ANAPC4: variants seen among roughly 807,000 people sequenced by gnomAD.
The protein encoded by ANAPC4 is anaphase promoting complex subunit 4.
A neutral mutation model predicts 119.8 loss-of-function variants in ANAPC4; 63 were observed. The ratio of observed to expected loss-of-function variants is 0.53; its 90% CI spans 0.43 to 0.65. The LOEUF is 0.65. ANAPC4 is among the 30% of genes least tolerant of loss of function. ANAPC4 has a pLI of 0.00. For missense variants in ANAPC4, 716 were observed against 945.1 expected (o/e 0.76, Z 3.18); for synonymous variants, 283 against 318.6 (o/e 0.89, Z 1.19).
intron 16 of ANAPC4, among the ~76,000 whole-genome samples, chr4:25,399,813 A>G (rs966698101): frequency 1.3e-5 from 2 of 152,180 alleles, no homozygotes; most frequent in Non-Finnish European, 2.9e-5. Flanking sequence ...GGATGAGGTA[A>G]TGAGTGTGCA....
At chr4:25,418,008 A>T (rs1723976890) in intron 28 of ANAPC4, 147 bp from the exon 29 acceptor site, 22 of 908,386 alleles carry the variant, frequency 2.4e-5, no homozygotes, top group Non-Finnish European at 3.2e-5. Context: ...ATACAAAATG[A>T]AGGCTGAATT....
chr4:25,410,090 A>G (rs1723479121), intron 21 of ANAPC4, among the ~76,000 whole-genome samples: 1 of 152,196 alleles, frequency 6.6e-6, no homozygotes, highest in African/African-American at 2.4e-5. Context: ...ATAGAGCCAA[A>G]TAGTGAGAAA....
chr4:25,410,097 GAA>G (rs35955625), intron 21 of ANAPC4, among the ~76,000 whole-genome samples: 12 of 152,286 alleles, frequency 7.9e-5, no homozygotes, highest in African/African-American at 2.4e-4. Context: ...CAAATAGTGA[GAA>G]AAGTCTTTTT....
intron 4 of ANAPC4, among the ~76,000 whole-genome samples, chr4:25,384,695 A>C (rs1412059048): frequency 6.6e-6 from 1 of 151,836 alleles, no homozygotes; most frequent in Non-Finnish European, 1.5e-5. Flanking sequence ...CCAGCTGCTC[A>C]GGAGGCTGAG....
intron 16 of ANAPC4, among the ~76,000 whole-genome samples, chr4:25,397,813 A>G (rs970387541): frequency 1.3e-5 from 2 of 151,392 alleles, no homozygotes; most frequent in African/African-American, 2.4e-5. Context: ...TTGAAATTTC[A>G]TAACAGTGTT....
In ANAPC4 at chr4:25,377,279, G is replaced by C; in HGVS notation, c.-76G>C. 1 of 1,123,026 alleles carries C rather than the reference G, an allele frequency of 8.9e-7. No homozygotes were observed. Among genetic ancestry groups the C allele is most frequent in the African/African-American group, 1.6e-5 (1 of 62,676 alleles). 69.6% of individuals were successfully genotyped at this position (1,123,026 alleles called of 1,614,324 possible). On this transcript the variant is annotated 5_prime_UTR_variant, in exon 1 of 29. Transcript: ENST00000315368. ...CGGGGCGGCCTGGAGGCTGTGGCGC[G>C]CGGCCGGCAGAGGGAGGGGAGAGGC... is the stretch of plus-strand genomic sequence containing the variant.
At chr4:25,377,879 A>T (rs895798692) in intron 2 of ANAPC4, among the ~76,000 whole-genome samples, 5 of 152,232 alleles carry the variant, frequency 3.3e-5, no homozygotes, top group Non-Finnish European at 5.9e-5. Flanking sequence ...TGAACTTTTT[A>T]AAAAAGCCCA....
At position 25,413,746 on chromosome 4, in the gene ANAPC4, A is replaced by C; in HGVS notation, c.1623+4A>C. ...TCAGTGTTTGCAAAAGCCAGCAGTA[A>C]GTTTGAAAGAAATGCATGTCTTTGT... is the stretch of plus-strand genomic sequence containing the variant. On this transcript the variant is annotated splice_donor_region_variant and intron_variant, in intron 22 of 28. Transcript: ENST00000315368. 1 of 1,607,096 alleles carries C rather than the reference A, an allele frequency of 6.2e-7. No individual in the cohort carries two copies. Among genetic ancestry groups the C allele is most frequent in the Non-Finnish European group, 8.5e-7 (1 of 1,175,118 alleles).
chr4:25,405,530 G>A lies in ANAPC4; in HGVS notation c.1271-43G>A, dbSNP rs1723202434. 4 of 1,523,686 alleles carry A rather than the reference G, an allele frequency of 2.6e-6. No homozygotes were observed. Among genetic ancestry groups the A allele is most frequent in the East Asian group, 2.3e-5 (1 of 44,340 alleles). 94.4% of individuals were successfully genotyped at this position (1,523,686 alleles called of 1,614,324 possible). A position where few individuals can be genotyped will look rare whatever the true frequency, so the allele number is the denominator to read the frequency against. On this transcript the variant is annotated intron_variant, in intron 17 of 28. Transcript: ENST00000315368. This position sits in a 1 kb window ranked among gnomAD's most constrained non-coding sequence, Gnocchi z 4.6. ...TGTATTTATAATTAAAATTATGTTT[G>A]TAGTTTGCTTTTAAAGATAGTTTTT...
At chr4:25,400,518 C>G (rs1722908939) in intron 16 of ANAPC4, among the ~76,000 whole-genome samples, 1 of 152,080 alleles carries the variant, frequency 6.6e-6, no homozygotes, top group South Asian at 2.1e-4. Flanking sequence ...ACAAGGAGAG[C>G]TGTGAAGCAG....
chr4:25,389,744 T>C (rs1722239359), intron 7 of ANAPC4, among the ~76,000 whole-genome samples: 1 of 152,262 alleles, frequency 6.6e-6, no homozygotes, highest in Non-Finnish European at 1.5e-5. Context: ...TACTAGAGTT[T>C]CTAAAATTTT....
At position 25,405,648 on chromosome 4, in the gene ANAPC4, G is replaced by A. The variant is rs769739016; in HGVS notation, c.1317+29G>A. 2 of 1,609,224 alleles carry A rather than the reference G, an allele frequency of 1.2e-6. No homozygotes were observed. Among genetic ancestry groups the A allele is most frequent in the Admixed American group, 1.7e-5 (1 of 59,950 alleles). On this transcript the variant is annotated intron_variant, in intron 18 of 28. Coordinates refer to ENST00000315368, the MANE Select transcript of ANAPC4 (RefSeq NM_013367.3). This position sits in a 1 kb window ranked among gnomAD's most constrained non-coding sequence, Gnocchi z 4.6. ...GTATGTACTAGTGCATTTTCACAGT[G>A]TTCACATTGTCCTGCTTGAACTCAG...
chr4:25,394,858 GTCA>G lies in ANAPC4; in HGVS notation c.1019_1021del (p.Ser340del). On this transcript the variant is annotated inframe_deletion, in exon 14 of 29. Coordinates refer to ENST00000315368, the MANE Select transcript of ANAPC4 (RefSeq NM_013367.3). Reference sequence around the variant, plus strand: ...TGAAAAAGCTTGGCCAGTCTATAGAGTCATCATACTCCAGTATACAAAAATTGG... The same window carrying G: ...TGAAAAAGCTTGGCCAGTCTATAGAGTCATACTCCAGTATACAAAAATTGG... The G allele has an allele frequency of 6.2e-7, 1 of 1,613,294 alleles. No homozygotes were observed. Among genetic ancestry groups the G allele is most frequent in the Non-Finnish European group, 8.5e-7 (1 of 1,179,774 alleles).
rs775827422 is a variant in ANAPC4, at chr4:25,394,313, A to G, written c.880A>G (p.Lys294Glu). ...DSRLTKFVQE[K>E]NTTTSVQDEF... ...TTTTTTTTTCACTTTTTTCCAGGAA[A>G]AGAACACAACCACATCAGTGCAAGA... Residue 294 changes from lysine to glutamate, a missense_variant, in exon 12 of 29, where the codon AAG (lysine) becomes GAG (glutamate). By Grantham distance (56) the Lys-to-Glu change is moderately conservative (BLOSUM62 1). This residue lies in a region of ANAPC4 where 504 missense variants were observed against 615.8 expected (regional missense o/e 0.82). Transcript: ENST00000315368. The G allele has an allele frequency of 2.5e-6, 4 of 1,580,594 alleles. No homozygotes were observed.
At position 25,413,684 on chromosome 4, in the gene ANAPC4, T is replaced by C; in HGVS notation, c.1565T>C (p.Leu522Ser). 6.2e-7 allele frequency: 1 copy of C among 1,613,658 alleles called. No individual in the cohort carries two copies. Among genetic ancestry groups the C allele is most frequent in the Non-Finnish European group, 8.5e-7 (1 of 1,179,754 alleles). The change falls in exon 22 of 29, where the codon TTG (leucine) becomes TCG (serine). Residue 522 changes from leucine to serine, a missense_variant. Leu to Ser is a moderately radical substitution (Grantham distance 145). Coordinates refer to ENST00000315368, the MANE Select transcript of ANAPC4 (RefSeq NM_013367.3). ...TTTCCTTATTATCCTCGAAAATCAT[T>C]GCATTTTGTGAAAAGGCGGATGGAG... ...LLFPYYPRKS[L>S]HFVKRRMENI...
chr4:25,389,259 A>G (rs974390557), intron 7 of ANAPC4, among the ~76,000 whole-genome samples: 1 of 151,538 alleles, frequency 6.6e-6, no homozygotes, highest in Non-Finnish European at 1.5e-5. Context: ...TCCTGGTTCA[A>G]GTGATTCTTC....
Position 25,390,202 on chromosome 4 carries a change from A to C in ANAPC4, c.582A>C (p.Lys194Asn), listed in dbSNP as rs1171686476. ...AGCTTTATGCTTATGGAATGTTTAA[A>C]ATTGCTCGAGTCACAGGGGTAAGAT... ...FIELYAYGMF[K>N]IARVTGIAGT... Residue 194 changes from lysine (K) to asparagine (N), a missense_variant, in exon 8 of 29, where the codon AAA becomes AAC. This residue lies in a region of ANAPC4 where 202 missense variants were observed against 293.5 expected (regional missense o/e 0.69). Transcript: ENST00000315368. The C allele has an allele frequency of 6.2e-7, 1 of 1,612,446 alleles. No homozygotes were observed. The highest frequency in any genetic ancestry group is 1.7e-5 in the Admixed American group (1 of 59,868).
At chr4:25,400,635 C>T (rs114298948) in intron 16 of ANAPC4, among the ~76,000 whole-genome samples, 1,797 of 152,182 alleles carry the variant, frequency 0.012, 40 homozygotes, top group African/African-American at 0.041. Context: ...AGGAGTGGGG[C>T]ACAGAGCAGG....
At chr4:25,410,499 G>A (rs1210419292) in intron 21 of ANAPC4, among the ~76,000 whole-genome samples, 6 of 152,104 alleles carry the variant, frequency 3.9e-5, no homozygotes, top group African/African-American at 1.4e-4. Context: ...GATTCTATGG[G>A]TAGGTACTTG....
Sources: allele counts gnomAD v4.1 joint callset (sites outside exome capture counted in the v4.1 genomes callset), GRCh38; gene constraint gnomAD v4.1.1; regional missense constraint gnomAD v4.1.1; non-coding constraint Gnocchi (gnomAD v3.1); transcripts MANE v1.5; gene names NCBI Gene and HGNC (gene_info 2026-07-23, HGNC 2026-07-21).